CFAP299: variants seen among roughly 807,000 people sequenced by gnomAD.
The protein encoded by CFAP299 is cilia and flagella associated protein 299.
A neutral mutation model predicts 27.0 loss-of-function variants in CFAP299; 21 were observed. The observed-to-expected ratio is 0.78, with a 90% confidence interval of 0.55 to 1.12. CFAP299 has a LOEUF of 1.12. Ranked by LOEUF, CFAP299 falls within the 50% of genes most tolerant of loss-of-function variation. CFAP299 has a pLI of 0.00. For missense variants in CFAP299, 310 were observed against 276.6 expected (o/e 1.12, Z -0.86); for synonymous variants, 104 against 98.1 (o/e 1.06, Z -0.36).
intron 3 of CFAP299, among the ~76,000 whole-genome samples, chr4:80,744,421 A>C (rs1317668828): frequency 1.1e-5 from 1 of 94,934 alleles, no homozygotes; most frequent in African/African-American, 4.0e-5. Context: ...GGTGGGAGGG[A>C]GGGGAATTAT....
At chr4:80,919,102 G>A (rs2110209569) in intron 4 of CFAP299, among the ~76,000 whole-genome samples, 1 of 152,234 alleles carries the variant, frequency 6.6e-6, no homozygotes, top group East Asian at 1.9e-4. Context: ...ATTTGGCACT[G>A]AACCCACAAC....
chr4:80,452,705 T>C (rs532234807), intron 2 of CFAP299, among the ~76,000 whole-genome samples: 23 of 152,288 alleles, frequency 1.5e-4, no homozygotes, highest in African/African-American at 5.5e-4. Context: ...AATTATTATA[T>C]TTTACTTGAT....
chr4:80,829,038 T>C (rs1357776232), intron 3 of CFAP299, among the ~76,000 whole-genome samples: 1 of 151,878 alleles, frequency 6.6e-6, no homozygotes, highest in Non-Finnish European at 1.5e-5. Flanking sequence ...GGAGAAAATA[T>C]GACACCAAAG....
chr4:80,782,628 C>G (rs1172908670), intron 3 of CFAP299, among the ~76,000 whole-genome samples: 28 of 94,972 alleles, frequency 2.9e-4, no homozygotes, highest in East Asian at 9.5e-4. Context: ...ATAATATATT[C>G]ATATATAATA....
intron 3 of CFAP299, among the ~76,000 whole-genome samples, chr4:80,691,265 C>T (rs368702750): frequency 7.4e-6 from 1 of 135,100 alleles, no homozygotes; most frequent in Non-Finnish European, 1.6e-5. Flanking sequence ...GACCAATATC[C>T]TTGATGAACA....
chr4:80,555,131 TG>T (rs1734722779), intron 2 of CFAP299, among the ~76,000 whole-genome samples: 1 of 152,172 alleles, frequency 6.6e-6, no homozygotes, highest in Non-Finnish European at 1.5e-5. Context: ...ATGTTGGCTG[TG>T]GGTTTGTCAT....
chr4:80,867,772 C>A (rs78155393), intron 3 of CFAP299, among the ~76,000 whole-genome samples: 2,253 of 152,296 alleles, frequency 0.015, 27 homozygotes, highest in Non-Finnish European at 0.023. Context: ...TTTCAAAAGG[C>A]TCTGTCTTCA....
rs1175167206 is a variant in CFAP299 at position 80,876,382 on chromosome 4, G to T, written c.476+6247G>T. ...GAGTGAGTTCTCACAAGATCTGATG[G>T]TTTTATAAGCAACTGGCATTTCCCC... On this transcript the variant is annotated intron_variant, in intron 4 of 5. Coordinates refer to ENST00000358105, the MANE Select transcript of CFAP299 (RefSeq NM_152770.3). Among the ~76,000 whole-genome samples the T allele has an allele frequency of 3.3e-5, 5 of 152,104 alleles. No individual in the cohort carries two copies. In the East Asian group the frequency reaches 9.7e-4, roughly 30 times the overall value.
chr4:80,815,476 A>T (rs1047285143), intron 3 of CFAP299, among the ~76,000 whole-genome samples: 5 of 152,000 alleles, frequency 3.3e-5, no homozygotes, highest in Admixed American at 6.6e-5. Context: ...TTTAAGACAG[A>T]ATATGACATT....
intron 2 of CFAP299, among the ~76,000 whole-genome samples, chr4:80,517,504 A>G (rs1444472964): frequency 6.6e-6 from 1 of 152,134 alleles, no homozygotes; most frequent in Non-Finnish European, 1.5e-5. Flanking sequence ...GCTGTGGAAA[A>G]CTGAGGGAAT....
intron 3 of CFAP299, among the ~76,000 whole-genome samples, chr4:80,697,379 C>T (rs1432935211): frequency 6.6e-6 from 1 of 152,048 alleles, no homozygotes; most frequent in Non-Finnish European, 1.5e-5. Flanking sequence ...TATGTTTGTA[C>T]AATCATTGTT....
chr4:80,567,735 A>G (rs201107924), intron 2 of CFAP299, among the ~76,000 whole-genome samples: 1 of 6,762 alleles, frequency 1.5e-4, no homozygotes, highest in Non-Finnish European at 4.0e-4. Flanking sequence ...ATGTATTTAT[A>G]TATATATATA....
intron 3 of CFAP299, among the ~76,000 whole-genome samples, chr4:80,760,589 A>G (rs541587410): frequency 4.0e-4 from 61 of 152,330 alleles, no homozygotes; most frequent in African/African-American, 1.5e-3. Flanking sequence ...ATTTTTAAAG[A>G]TCATATGTAT....
chr4:80,781,166 T>C (rs1188935638), intron 3 of CFAP299, among the ~76,000 whole-genome samples: 1 of 152,022 alleles, frequency 6.6e-6, no homozygotes. Context: ...AAATCCTGTT[T>C]TGAGGTACAA....
At chr4:80,796,409 C>A (rs940581950) in intron 3 of CFAP299, among the ~76,000 whole-genome samples, 1 of 152,112 alleles carries the variant, frequency 6.6e-6, no homozygotes, top group Non-Finnish European at 1.5e-5. Flanking sequence ...ATGTAATGGA[C>A]CAGTGTGATA....
intron 3 of CFAP299, among the ~76,000 whole-genome samples, chr4:80,863,924 C>G (rs1732535047): frequency 6.6e-6 from 1 of 151,766 alleles, no homozygotes; most frequent in South Asian, 2.1e-4. Flanking sequence ...TGAAAAAGAT[C>G]ATATATTGTA....
chr4:80,915,706 T>A (rs1419667016), intron 4 of CFAP299, among the ~76,000 whole-genome samples: 1 of 152,086 alleles, frequency 6.6e-6, no homozygotes, highest in Non-Finnish European at 1.5e-5. Flanking sequence ...ATTGTTTCTA[T>A]CATTACAGCT....
chr4:80,949,752 T>G lies in CFAP299; in HGVS notation c.606+4813T>G, dbSNP rs558297002. Among the ~76,000 whole-genome samples the G allele has an allele frequency of 1.3e-4, 20 of 151,888 alleles. No individual in the cohort carries two copies. The East Asian group carries it at 3.7e-3, about 28-fold the overall frequency. ...TTCTGCGTTGGATTGAAGGGGTGAATTGGGAATTAAGCCTGGAGAGGTCAT... is the reference window on the plus strand; with the variant it reads ...TTCTGCGTTGGATTGAAGGGGTGAAGTGGGAATTAAGCCTGGAGAGGTCAT... On this transcript the variant is annotated intron_variant, in intron 5 of 5. Coordinates refer to ENST00000358105, the MANE Select transcript of CFAP299 (RefSeq NM_152770.3).
At chr4:80,863,103 G>T (rs1473285539) in intron 3 of CFAP299, among the ~76,000 whole-genome samples, 2 of 151,864 alleles carry the variant, frequency 1.3e-5, no homozygotes, top group Non-Finnish European at 2.9e-5. Context: ...CTGACAGTCT[G>T]CTCTCTGGGT....
Sources: gnomAD v4.1 joint callset for allele counts (sites outside exome capture counted in the v4.1 genomes callset) on GRCh38, gnomAD v4.1.1 for gene constraint, MANE v1.5 for transcripts, NCBI Gene and HGNC (gene_info 2026-07-23, HGNC 2026-07-21) for gene names.